SLX4IP: variants seen among roughly 807,000 people sequenced by gnomAD.
The protein encoded by SLX4IP is SLX4 interacting protein, also known as protein SLX4IP.
SLX4IP carries 34 observed loss-of-function variants against 32.9 expected under a neutral mutation model. The observed-to-expected ratio is 1.03, with a 90% CI of 0.79 to 1.38. The LOEUF is 1.38. Ranked by LOEUF, SLX4IP falls within the 40% of genes most tolerant of loss-of-function variation. SLX4IP has a pLI of 0.00. For synonymous variants in SLX4IP, 172 were observed against 171.7 expected (o/e 1.00, Z -0.01); for missense variants, 444 against 479.0 (o/e 0.93, Z 0.68).
At chr20:10,614,141 G>A (rs971183421) in intron 6 of SLX4IP, 14 of 1,244,218 alleles carry the variant, frequency 1.1e-5, no homozygotes, top group Non-Finnish European at 1.5e-5. Flanking sequence ...CGCCATCGGA[G>A]GCCTCGCGTT....
At chr20:10,606,827 T>A (rs1244019426) in intron 6 of SLX4IP, among the ~76,000 whole-genome samples, 1 of 152,212 alleles carries the variant, frequency 6.6e-6, no homozygotes. Context: ...AGTTATGTGT[T>A]TCTGTCCATT....
chr20:10,452,598 A>G (rs1026861211), intron 1 of SLX4IP, among the ~76,000 whole-genome samples: 27 of 150,722 alleles, frequency 1.8e-4, no homozygotes, highest in African/African-American at 6.1e-4. Flanking sequence ...CCCAGGAGAC[A>G]GAGGTTGCAG....
intron 4 of SLX4IP, among the ~76,000 whole-genome samples, chr20:10,583,542 C>T (rs1055775175): frequency 2.6e-5 from 4 of 152,122 alleles, no homozygotes; most frequent in Admixed American, 1.3e-4. Flanking sequence ...TGGCTGCATC[C>T]GGATGGTGGC....
intron 4 of SLX4IP, among the ~76,000 whole-genome samples, chr20:10,596,966 T>C (rs2066777950): frequency 6.6e-6 from 1 of 152,242 alleles, no homozygotes; most frequent in African/African-American, 2.4e-5. Flanking sequence ...TTATTTTATC[T>C]CAGCAAATCC....
At chr20:10,470,055 T>C (rs1600902849) in intron 2 of SLX4IP, among the ~76,000 whole-genome samples, 1 of 152,312 alleles carries the variant, frequency 6.6e-6, no homozygotes, top group African/African-American at 2.4e-5. Flanking sequence ...AACCTGGAGA[T>C]GATGGTCGGA....
At chr20:10,578,824 A>T (rs1053579041) in intron 4 of SLX4IP, among the ~76,000 whole-genome samples, 1 of 152,140 alleles carries the variant, frequency 6.6e-6, no homozygotes, top group African/African-American at 2.4e-5. Flanking sequence ...CTGATGACTA[A>T]TAATGTTACC....
intron 2 of SLX4IP, among the ~76,000 whole-genome samples, chr20:10,489,194 A>G (rs548086359): frequency 1.2e-4 from 19 of 152,248 alleles, no homozygotes; most frequent in Non-Finnish European, 2.2e-4. Flanking sequence ...TAAGTCGAGG[A>G]GTTCTGTATG....
intron 5 of SLX4IP, among the ~76,000 whole-genome samples, chr20:10,601,173 C>G (rs781257917): frequency 6.6e-6 from 1 of 151,794 alleles, no homozygotes; most frequent in Non-Finnish European, 1.5e-5. Context: ...GTATATTTAA[C>G]CATTTTCTTA....
At chr20:10,457,988 C>T (rs542123001) in intron 1 of SLX4IP, among the ~76,000 whole-genome samples, 188 bp from the exon 2 acceptor site, 2 of 151,918 alleles carry the variant, frequency 1.3e-5, no homozygotes, top group South Asian at 4.2e-4. Context: ...AGGGCCTGTC[C>T]TTTTATTTGC....
At chr20:10,550,950 G>A (rs1308606395) in intron 2 of SLX4IP, among the ~76,000 whole-genome samples, 1 of 152,166 alleles carries the variant, frequency 6.6e-6, no homozygotes, top group Non-Finnish European at 1.5e-5. Context: ...CTCTCTCAGG[G>A]CCTGGCTAGT....
intron 6 of SLX4IP, among the ~76,000 whole-genome samples, chr20:10,602,287 T>C (rs989684430): frequency 1.5e-4 from 20 of 136,106 alleles, no homozygotes; most frequent in African/African-American, 5.1e-4. Context: ...ATTTTCTCCC[T>C]CTCTCTCTCT....
At position 10,523,114 on chromosome 20, in the gene SLX4IP, A is replaced by T. The variant is rs558840234; in HGVS notation, c.28-33117A>T. Among the ~76,000 whole-genome samples the T allele has an allele frequency of 2.0e-5, 3 of 152,270 alleles. No individual in the cohort carries two copies. The South Asian group carries it at 6.2e-4, about 32-fold the overall frequency. On this transcript the variant is annotated intron_variant, in intron 2 of 7. Coordinates refer to ENST00000334534, the MANE Select transcript of SLX4IP (RefSeq NM_001009608.3). Reference sequence around the variant, plus strand: ...AGAGATCAAATTGTTCCTCTGTAGCAGACCTCTTGGCATGGGATGGGCCAG... The same window carrying T: ...AGAGATCAAATTGTTCCTCTGTAGCTGACCTCTTGGCATGGGATGGGCCAG...
intron 2 of SLX4IP, among the ~76,000 whole-genome samples, chr20:10,473,875 T>C (rs981557643): frequency 2.0e-5 from 3 of 151,232 alleles, no homozygotes; most frequent in Non-Finnish European, 2.9e-5. Flanking sequence ...CAGGCTAGAG[T>C]GTGGTGGCGT....
At chr20:10,577,009 A>G (rs1325148420) in intron 4 of SLX4IP, among the ~76,000 whole-genome samples, 1 of 152,202 alleles carries the variant, frequency 6.6e-6, no homozygotes, top group Non-Finnish European at 1.5e-5. Flanking sequence ...TCTTAGAAAC[A>G]CTGAAATAGA....
chr20:10,605,352 T>A (rs976486044), intron 6 of SLX4IP, among the ~76,000 whole-genome samples: 1 of 152,146 alleles, frequency 6.6e-6, no homozygotes, highest in African/African-American at 2.4e-5. Context: ...CAAAGAAAAG[T>A]AAGAAAGTGT....
In SLX4IP at chr20:10,541,960, G is replaced by A. The variant is rs374348412; in HGVS notation, c.28-14271G>A. Among the ~76,000 whole-genome samples the A allele has an allele frequency of 1.5e-3, 227 of 152,266 alleles. 8 individuals carry two copies. The South Asian group carries it at 0.044, about 29-fold the overall frequency. The stretch of plus-strand genomic sequence containing the variant: ...TAAAGCCCATGCTTTGCATGTTAAA[G>A]TCACTAAAAGGTCAAGTACTCAGAT... On this transcript the variant is annotated intron_variant, in intron 2 of 7. Transcript: ENST00000334534.
At chr20:10,494,736 C>G (rs1253548824) in intron 2 of SLX4IP, among the ~76,000 whole-genome samples, 1 of 152,016 alleles carries the variant, frequency 6.6e-6, no homozygotes, top group African/African-American at 2.4e-5. Context: ...TCCCCCTGGC[C>G]CTACTCCCAC....
chr20:10,563,625 G>T lies in SLX4IP; in HGVS notation c.238+2805G>T, dbSNP rs887057823. Among the ~76,000 whole-genome samples, 50 of 152,118 alleles carry T rather than the reference G, an allele frequency of 3.3e-4. 1 individual carries two copies. The highest frequency in any genetic ancestry group is 3.1e-3 in the Admixed American group (48 of 15,268). On this transcript the variant is annotated intron_variant, in intron 4 of 7. Transcript: ENST00000334534. Reference sequence around the variant, plus strand: ...GCCCAGTTTCATTCTTCTGCATATGGATATCCGGTTTTCCCAGCAGCATTT... The same window carrying T: ...GCCCAGTTTCATTCTTCTGCATATGTATATCCGGTTTTCCCAGCAGCATTT...
chr20:10,580,040 G>A (rs1416987815), intron 4 of SLX4IP, among the ~76,000 whole-genome samples: 1 of 152,082 alleles, frequency 6.6e-6, no homozygotes, highest in South Asian at 2.1e-4. Context: ...GACTCTAATT[G>A]TTCCATTTTA....
Sources: allele counts gnomAD v4.1 joint callset (sites outside exome capture counted in the v4.1 genomes callset), GRCh38; gene constraint gnomAD v4.1.1; transcripts MANE v1.5; gene names NCBI Gene and HGNC (gene_info 2026-07-23, HGNC 2026-07-21).